TRPM3: variants seen among roughly 807,000 people sequenced by gnomAD.
TRPM3 encodes transient receptor potential cation channel subfamily M member 3.
A neutral mutation model predicts 181.2 loss-of-function variants in TRPM3; 77 were observed. The ratio of observed to expected loss-of-function variants is 0.42; its 90% confidence interval spans 0.35 to 0.51. The LOEUF (loss-of-function observed/expected upper bound fraction) is 0.51. Ranked by LOEUF, TRPM3 falls within the 20% of genes least tolerant of loss-of-function variation. The pLI is 0.01. For synonymous variants in TRPM3, 745 were observed against 796.4 expected (o/e 0.94, Z 1.09); for missense variants, 1,759 against 2,196.7 (o/e 0.80, Z 3.98).
intron 1 of TRPM3, among the ~76,000 whole-genome samples, chr9:71,008,317 C>G (rs1267502333): frequency 6.6e-6 from 1 of 152,076 alleles, no homozygotes; most frequent in Non-Finnish European, 1.5e-5. Context: ...GGCTACACCA[C>G]TGAATTCTAC....
At chr9:70,919,862 A>T (rs1160233811) in intron 1 of TRPM3, among the ~76,000 whole-genome samples, 1 of 151,692 alleles carries the variant, frequency 6.6e-6, no homozygotes. Flanking sequence ...TCTACCTTAT[A>T]TTTTATTTGC....
chr9:71,084,156 T>C (rs1369560898), intron 1 of TRPM3, among the ~76,000 whole-genome samples: 1 of 152,016 alleles, frequency 6.6e-6, no homozygotes, highest in African/African-American at 2.4e-5. Context: ...GAATATTTCC[T>C]GTGATTCTCG....
intron 1 of TRPM3, among the ~76,000 whole-genome samples, chr9:71,400,168 T>C (rs980565562): frequency 3.3e-5 from 5 of 152,168 alleles, no homozygotes; most frequent in Admixed American, 1.3e-4. Flanking sequence ...GAGATTTTCA[T>C]TCATTCATTT....
intron 1 of TRPM3, among the ~76,000 whole-genome samples, chr9:71,245,789 A>C (rs2082002377): frequency 6.6e-6 from 1 of 152,170 alleles, no homozygotes; most frequent in African/African-American, 2.4e-5. Context: ...TGGATAACTA[A>C]AGGATTGTGG....
chr9:70,866,920 C>T (rs1373805160), intron 1 of TRPM3, among the ~76,000 whole-genome samples: 3 of 151,986 alleles, frequency 2.0e-5, no homozygotes, highest in Non-Finnish European at 4.4e-5. Flanking sequence ...TGAACTTGAA[C>T]AGTCTGGCTT....
At chr9:71,394,627 G>C (rs10115877) in intron 1 of TRPM3, among the ~76,000 whole-genome samples, 5,218 of 151,996 alleles carry the variant, frequency 0.034, 176 homozygotes, top group African/African-American at 0.093. Context: ...TTTTTTGGTT[G>C]CTATGTTGCT....
At chr9:70,828,673 A>G (rs1005159017) in intron 5 of TRPM3, among the ~76,000 whole-genome samples, 11 of 150,866 alleles carry the variant, frequency 7.3e-5, no homozygotes, top group Admixed American at 3.3e-4. Context: ...ACTACTTAAA[A>G]TAGAGCAATT....
intron 1 of TRPM3, among the ~76,000 whole-genome samples, chr9:71,209,395 G>C (rs1238019081): frequency 5.0e-5 from 3 of 60,120 alleles, no homozygotes; most frequent in Non-Finnish European, 7.9e-5. Flanking sequence ...AGGGAGAGGG[G>C]GAAGGAGGGA....
intron 1 of TRPM3, among the ~76,000 whole-genome samples, chr9:71,054,262 T>C (rs1013307472): frequency 6.6e-6 from 1 of 152,126 alleles, no homozygotes; most frequent in Non-Finnish European, 1.5e-5. Flanking sequence ...AAGGCTGATT[T>C]TGTGGACTGG....
intron 1 of TRPM3, among the ~76,000 whole-genome samples, chr9:70,945,405 A>G (rs1244812588): frequency 6.6e-6 from 1 of 152,224 alleles, no homozygotes; most frequent in African/African-American, 2.4e-5. Context: ...TTTGTCAAAT[A>G]AATGAACTAA....
intron 1 of TRPM3, among the ~76,000 whole-genome samples, chr9:71,046,169 T>A (rs2059413423): frequency 6.6e-6 from 1 of 152,100 alleles, no homozygotes; most frequent in Non-Finnish European, 1.5e-5. Flanking sequence ...GTATTTTTAG[T>A]AGAGATGGGG....
At chr9:71,009,913 G>A (rs2430871) in intron 1 of TRPM3, among the ~76,000 whole-genome samples, 1 of 152,050 alleles carries the variant, frequency 6.6e-6, no homozygotes, top group African/African-American at 2.4e-5. Context: ...ATAGAGAACC[G>A]AGAAATAAAT....
At chr9:70,559,391 G>A (rs2048505046) in intron 22 of TRPM3, among the ~76,000 whole-genome samples, 1 of 152,142 alleles carries the variant, frequency 6.6e-6, no homozygotes, top group Admixed American at 6.5e-5. Context: ...TCCTGTGAGA[G>A]CAAAAAACTG....
At chr9:71,133,311 T>TTTTTTTTTTTTTTTTTTA (rs55960906) in intron 1 of TRPM3, among the ~76,000 whole-genome samples, 1 of 125,546 alleles carries the variant, frequency 8.0e-6, no homozygotes, top group East Asian at 2.5e-4. Flanking sequence ...TTTTTTTTTT[T>TTTTTTTTTTTTTTTTTTA]GAGACAGAGT....
At chr9:71,145,409 C>A (rs2134579229) in intron 1 of TRPM3, among the ~76,000 whole-genome samples, 1 of 152,250 alleles carries the variant, frequency 6.6e-6, no homozygotes, top group South Asian at 2.1e-4. Context: ...AGATAAGAGA[C>A]TTTGAGAATG....
chr9:70,880,788 C>G (rs553145060), intron 1 of TRPM3, among the ~76,000 whole-genome samples: 1 of 152,214 alleles, frequency 6.6e-6, no homozygotes, highest in South Asian at 2.1e-4. Flanking sequence ...TGTCAGATAT[C>G]AATACAAGTA....
chr9:71,236,601 C>T (rs2081363447), intron 1 of TRPM3, among the ~76,000 whole-genome samples: 1 of 152,156 alleles, frequency 6.6e-6, no homozygotes, highest in Admixed American at 6.5e-5. Context: ...AATGATCACA[C>T]TTCAGGTCAT....
At chr9:70,884,338 A>G (rs186675970) in intron 1 of TRPM3, among the ~76,000 whole-genome samples, 60 of 152,376 alleles carry the variant, frequency 3.9e-4, no homozygotes, top group Admixed American at 8.5e-4. Flanking sequence ...TCCTGCTCAG[A>G]GAACTCTGAT....
At position 70,982,337 on chromosome 9, in the gene TRPM3, G is replaced by A. The variant is rs941433470; in HGVS notation, c.178-117826C>T. On this transcript the variant is annotated intron_variant, in intron 1 of 25. Coordinates refer to ENST00000677713, the MANE Select transcript of TRPM3 (RefSeq NM_001366145.2). ...TTCTATAGTGACTATTTGAAACATCGCCAATCTCACATCAGAAAACCAAAG... is the reference window on the plus strand; with the variant it reads ...TTCTATAGTGACTATTTGAAACATCACCAATCTCACATCAGAAAACCAAAG... Among the ~76,000 whole-genome samples, 7 of 152,038 alleles carry A rather than the reference G, an allele frequency of 4.6e-5. No homozygotes were observed. In the East Asian group the frequency reaches 9.6e-4, roughly 21 times the overall value.
Sources: allele counts gnomAD v4.1 joint callset (sites outside exome capture counted in the v4.1 genomes callset), GRCh38; gene constraint gnomAD v4.1.1; transcripts MANE v1.5; gene names NCBI Gene and HGNC (gene_info 2026-07-23, HGNC 2026-07-21).